SYT14: variants seen among roughly 807,000 people sequenced by gnomAD.
SYT14 encodes synaptotagmin-14.
A neutral mutation model predicts 74.2 loss-of-function variants in SYT14; 32 were observed. The observed-to-expected ratio is 0.43, with a 90% CI of 0.33 to 0.58. SYT14 has a LOEUF of 0.58. Ranked by LOEUF, SYT14 falls within the 20% of genes least tolerant of loss-of-function variation. The probability of loss-of-function intolerance (pLI) is 0.05; values close to 1 mark genes in which losing one functional copy is unlikely to be tolerated. For missense variants in SYT14, 791 were observed against 981.8 expected (o/e 0.81, Z 2.60); for synonymous variants, 298 against 337.7 (o/e 0.88, Z 1.29).
At chr1:210,010,357 G>T (rs991823778) in intron 2 of SYT14, among the ~76,000 whole-genome samples, 1 of 152,040 alleles carries the variant, frequency 6.6e-6, no homozygotes, top group Non-Finnish European at 1.5e-5. Flanking sequence ...TCAGCTATGT[G>T]GTGCTGTCCT....
chr1:210,141,951 T>C (rs1379232379), intron 7 of SYT14, among the ~76,000 whole-genome samples: 2 of 152,198 alleles, frequency 1.3e-5, no homozygotes, highest in African/African-American at 2.4e-5. Flanking sequence ...TAGATTTTGC[T>C]CTTATTTTTT....
chr1:210,129,820 C>T (rs1334563774), intron 7 of SYT14, among the ~76,000 whole-genome samples: 1 of 152,182 alleles, frequency 6.6e-6, no homozygotes, highest in Admixed American at 6.5e-5. Context: ...CTTAATTACA[C>T]TAGAATGAGT....
At chr1:210,143,850 CTTATT>C (rs1043000790) in intron 7 of SYT14, among the ~76,000 whole-genome samples, 160 of 152,088 alleles carry the variant, frequency 1.1e-3, no homozygotes, top group African/African-American at 3.6e-3. Flanking sequence ...ACTAACAAAT[CTTATT>C]TTATAATATT....
intron 2 of SYT14, among the ~76,000 whole-genome samples, chr1:209,981,395 T>C (rs1345512526): frequency 1.3e-5 from 2 of 151,950 alleles, no homozygotes; most frequent in Non-Finnish European, 2.9e-5. Flanking sequence ...TTTGGTGGAA[T>C]ATGAAATTCT....
chr1:209,948,582 G>C (rs931398951), intron 1 of SYT14, among the ~76,000 whole-genome samples: 2 of 152,114 alleles, frequency 1.3e-5, no homozygotes, highest in Non-Finnish European at 2.9e-5. Flanking sequence ...TTTTTATGCA[G>C]TTCTATTTAA....
chr1:209,944,705 T>C (rs993657704), intron 1 of SYT14, among the ~76,000 whole-genome samples: 3 of 151,938 alleles, frequency 2.0e-5, no homozygotes, highest in Non-Finnish European at 4.4e-5. Flanking sequence ...AATTCCAATT[T>C]GGGAGGATAA....
At chr1:210,013,060 A>G (rs1003540848) in intron 2 of SYT14, among the ~76,000 whole-genome samples, 7 of 148,094 alleles carry the variant, frequency 4.7e-5, no homozygotes, top group African/African-American at 1.7e-4. Context: ...TAAACATATG[A>G]TGATTGCCTA....
At chr1:210,142,905 C>CA (rs2102676651) in intron 7 of SYT14, among the ~76,000 whole-genome samples, 1 of 152,284 alleles carries the variant, frequency 6.6e-6, no homozygotes, top group Admixed American at 6.5e-5. Flanking sequence ...TGTGTTAGCT[C>CA]ACGTAATCTT....
intron 7 of SYT14, among the ~76,000 whole-genome samples, chr1:210,104,828 TAGTG>T (rs2082130257): frequency 6.6e-6 from 1 of 152,164 alleles, no homozygotes; most frequent in Non-Finnish European, 1.5e-5. Flanking sequence ...GCAATAATAA[TAGTG>T]AGGCTATTGG....
chr1:210,090,840 A>G (rs2081852637), intron 5 of SYT14, among the ~76,000 whole-genome samples: 1 of 152,158 alleles, frequency 6.6e-6, no homozygotes, highest in South Asian at 2.1e-4. Flanking sequence ...GAATAAAAAC[A>G]GATTGCAAAC....
Position 210,169,221 on chromosome 1 carries a change from G to GTTTTGT in SYT14, c.*8183_*8184insGTTTTT, listed in dbSNP as rs2083492384. ...CTTTTTTGGTTTTTATGTTTTTGGT[G>GTTTTGT]TTTTTTTTTTTTTTTTTTTTTTTTT... On this transcript the variant is annotated 3_prime_UTR_variant, in exon 10 of 10. Transcript: ENST00000637265. The GTTTTGT allele has an allele frequency of 2.2e-3, 110 of 50,232 alleles. 2 individuals carry two copies. The highest frequency in any genetic ancestry group is 2.8e-3 in the African/African-American group (36 of 12,856). The allele number at this position is 50,232 out of a possible 1,614,324, so 3.1% of individuals were successfully genotyped here.
intron 5 of SYT14, among the ~76,000 whole-genome samples, chr1:210,082,148 A>G (rs1276105164): frequency 1.3e-5 from 2 of 152,192 alleles, no homozygotes; most frequent in Non-Finnish European, 2.9e-5. Flanking sequence ...AACTTGGAAT[A>G]TGTGGGGTTA....
intron 5 of SYT14, among the ~76,000 whole-genome samples, chr1:210,078,676 T>C (rs2081560409): frequency 6.6e-6 from 1 of 152,014 alleles, no homozygotes; most frequent in Non-Finnish European, 1.5e-5. Flanking sequence ...TACCCTAGTG[T>C]GGACTCTAGA....
At chr1:209,996,791 G>A (rs1273006107) in intron 2 of SYT14, among the ~76,000 whole-genome samples, 1 of 152,072 alleles carries the variant, frequency 6.6e-6, no homozygotes, top group African/African-American at 2.4e-5. Flanking sequence ...TTCTTTCCTG[G>A]GATGCAAGGT....
intron 5 of SYT14, among the ~76,000 whole-genome samples, chr1:210,071,052 A>G (rs1444209481): frequency 6.6e-6 from 1 of 151,356 alleles, no homozygotes; most frequent in East Asian, 1.9e-4. Context: ...TGATTCTCAT[A>G]TAAGCCTAGT....
intron 7 of SYT14, among the ~76,000 whole-genome samples, chr1:210,143,672 A>G (rs1210483982): frequency 3.3e-5 from 5 of 152,152 alleles, no homozygotes; most frequent in African/African-American, 7.2e-5. Flanking sequence ...AGGGGGCAGC[A>G]CAGTCTTACA....
chr1:210,121,979 T>C (rs1174797039), intron 7 of SYT14, among the ~76,000 whole-genome samples: 1 of 43,028 alleles, frequency 2.3e-5, no homozygotes, highest in Non-Finnish European at 4.2e-5. Flanking sequence ...AACTTTTTTT[T>C]TTTTTTTTTT....
exon 3 of SYT14, chr1:210,013,713 A>G (rs776794199): frequency 6.2e-7 from 1 of 1,613,112 alleles, no homozygotes. Flanking sequence ...CTATATTAAT[A>G]AGAAGTTCTG....
At chr1:209,999,210 C>T (rs748824787) in intron 2 of SYT14, among the ~76,000 whole-genome samples, 1 of 152,062 alleles carries the variant, frequency 6.6e-6, no homozygotes, top group Non-Finnish European at 1.5e-5. Flanking sequence ...GAGGTATCAT[C>T]TTACACCAGT....
Sources: allele counts gnomAD v4.1 joint callset (sites outside exome capture counted in the v4.1 genomes callset), GRCh38; gene constraint gnomAD v4.1.1; transcripts MANE v1.5; gene names NCBI Gene and HGNC (gene_info 2026-07-23, HGNC 2026-07-21).